PTPRG: variants seen among roughly 807,000 people sequenced by gnomAD.
The protein encoded by PTPRG is protein tyrosine phosphatase receptor type G.
In PTPRG, 102 loss-of-function variants were observed where a neutral mutation model predicts 165.3. The ratio of observed to expected loss-of-function variants is 0.62; its 90% CI spans 0.53 to 0.73. The LOEUF (loss-of-function observed/expected upper bound fraction) is 0.73, where lower values mean the gene tolerates loss of function less well. Among genes scored for constraint, PTPRG ranks in the 30% least tolerant of loss-of-function variants. The probability of loss-of-function intolerance (pLI) is 0.00; values close to 1 mark genes in which losing one functional copy is unlikely to be tolerated. For synonymous variants in PTPRG, 675 were observed against 669.5 expected (o/e 1.01, Z -0.13); for missense variants, 1,866 against 1,861.4 (o/e 1.00, Z -0.05).
chr3:61,835,726 C>T (rs2036437390), intron 2 of PTPRG, among the ~76,000 whole-genome samples: 1 of 151,888 alleles, frequency 6.6e-6, no homozygotes, highest in Non-Finnish European at 1.5e-5. Flanking sequence ...ATCAGGATCA[C>T]TTTGGGCATA....
At chr3:61,599,908 C>T (rs1454112219) in intron 1 of PTPRG, among the ~76,000 whole-genome samples, 1 of 152,058 alleles carries the variant, frequency 6.6e-6, no homozygotes, top group Non-Finnish European at 1.5e-5. Flanking sequence ...CCTGTAATCT[C>T]AGCACTTTGG....
chr3:62,034,717 T>A (rs1242490048), intron 4 of PTPRG, among the ~76,000 whole-genome samples: 1 of 152,172 alleles, frequency 6.6e-6, no homozygotes, highest in African/African-American at 2.4e-5. Context: ...CAAAAGAAAT[T>A]TTTTAAATGT....
chr3:61,670,105 G>A (rs945106985), intron 1 of PTPRG, among the ~76,000 whole-genome samples: 1 of 152,190 alleles, frequency 6.6e-6, no homozygotes, highest in African/African-American at 2.4e-5. Context: ...AGCCCTGTGG[G>A]AAGATGTGAA....
At chr3:62,173,125 T>G (rs1705280452) in intron 8 of PTPRG, among the ~76,000 whole-genome samples, 1 of 152,234 alleles carries the variant, frequency 6.6e-6, no homozygotes. Context: ...CATCCTCCAG[T>G]ATACTTTAAA....
At chr3:61,956,288 T>C (rs1258989569) in intron 2 of PTPRG, among the ~76,000 whole-genome samples, 38 of 107,630 alleles carry the variant, frequency 3.5e-4, no homozygotes, top group Admixed American at 3.3e-3. Context: ...TCTCTCTCTC[T>C]CTCTCTCACA....
chr3:61,567,854 T>C (rs1699955306), intron 1 of PTPRG, among the ~76,000 whole-genome samples: 1 of 150,598 alleles, frequency 6.6e-6, no homozygotes, highest in South Asian at 2.1e-4. Context: ...CTTGGTGGTA[T>C]GCGCCTGTAG....
intron 1 of PTPRG, chr3:61,659,540 C>G: frequency 1.2e-6 from 1 of 817,656 alleles, no homozygotes. Flanking sequence ...CCCAAAAAAT[C>G]TTAGGAAGAT....
intron 15 of PTPRG, among the ~76,000 whole-genome samples, chr3:62,247,153 A>C (rs1701305006): frequency 6.6e-6 from 1 of 152,186 alleles, no homozygotes; most frequent in Admixed American, 6.5e-5. Flanking sequence ...CTATAGAGAC[A>C]GGTACAGTTG....
rs1448452266 is a variant in PTPRG, at chr3:62,293,606, T to C, written c.*299T>C. ...ATGTGACATTCCATGACGACATACA[T>C]GCTACTTTTTTTTAGTTCAATACAG... On this transcript the variant is annotated 3_prime_UTR_variant, in exon 30 of 30. Transcript: ENST00000474889. 4.5e-6 allele frequency: 1 copy of C among 220,260 alleles called. No homozygotes were observed. Among genetic ancestry groups the C allele is most frequent in the Admixed American group, 5.6e-5 (1 of 17,702 alleles). 13.6% of individuals were successfully genotyped at this position (220,260 alleles called of 1,614,324 possible).
intron 2 of PTPRG, among the ~76,000 whole-genome samples, chr3:61,989,275 C>G (rs40493): frequency 0.66 from 100,120 of 152,002 alleles, 33,167 homozygotes; most frequent in East Asian, 0.81. Flanking sequence ...CTAACTCGAT[C>G]AAGGTGCTTT....
intron 2 of PTPRG, among the ~76,000 whole-genome samples, chr3:61,987,655 A>C (rs1211391839): frequency 6.6e-6 from 1 of 151,428 alleles, no homozygotes; most frequent in Non-Finnish European, 1.5e-5. Context: ...TTATGATATT[A>C]AAACATTTAG....
intron 2 of PTPRG, among the ~76,000 whole-genome samples, chr3:61,798,638 T>TTTA (rs1477023810): frequency 1.3e-4 from 19 of 151,150 alleles, no homozygotes; most frequent in Non-Finnish European, 7.4e-5. Context: ...TTTTTTTTTT[T>TTTA]AAACCCTTTG....
chr3:61,923,126 G>C (rs1327110765), intron 2 of PTPRG, among the ~76,000 whole-genome samples: 1 of 151,150 alleles, frequency 6.6e-6, no homozygotes, highest in African/African-American at 2.4e-5. Flanking sequence ...AGTAGGTACT[G>C]ATTAAAATGT....
At chr3:61,862,431 G>C (rs539267530) in intron 2 of PTPRG, among the ~76,000 whole-genome samples, 58 of 149,160 alleles carry the variant, frequency 3.9e-4, no homozygotes, top group African/African-American at 1.4e-3. Context: ...GCCCAGGCTG[G>C]AGTGCAATGG....
At chr3:61,870,008 C>A (rs185408972) in intron 2 of PTPRG, among the ~76,000 whole-genome samples, 1 of 152,226 alleles carries the variant, frequency 6.6e-6, no homozygotes, top group Non-Finnish European at 1.5e-5. Flanking sequence ...TCCCCTCCCC[C>A]TTCGACTTGT....
intron 2 of PTPRG, among the ~76,000 whole-genome samples, chr3:61,910,193 G>A (rs546606033): frequency 2.0e-5 from 3 of 152,034 alleles, no homozygotes; most frequent in South Asian, 2.1e-4. Context: ...GTCCTATTTC[G>A]TGTATTGATC....
rs1388100597 is a variant in PTPRG at position 61,890,412 on chromosome 3, G to GTTTTTTT, written c.191-99209_191-99203dup. Among the ~76,000 whole-genome samples the GTTTTTTT allele has an allele frequency of 3.9e-3, 367 of 95,288 alleles. 23 individuals are homozygous for GTTTTTTT. Among genetic ancestry groups the GTTTTTTT allele is most frequent in the African/African-American group, 0.012 (270 of 21,810 alleles). The allele number at this position is 95,288 out of a possible 152,430, so 62.5% of individuals were successfully genotyped here. A position where few individuals can be genotyped will look rare whatever the true frequency, so the allele number is the denominator to read the frequency against. ...GTTTTGGGCGGGTTTCTTGTTCTTTGTTTTTTTTTTGTTTTTTTTTTTTTT... is the reference window on the plus strand; with the variant it reads ...GTTTTGGGCGGGTTTCTTGTTCTTTGTTTTTTTTTTTTTTTTTGTTTTTTTTTTTTTT... On this transcript the variant is annotated intron_variant, in intron 2 of 29. Coordinates refer to ENST00000474889, the MANE Select transcript of PTPRG (RefSeq NM_002841.4).
intron 2 of PTPRG, among the ~76,000 whole-genome samples, chr3:61,931,572 A>G (rs376800094): frequency 1.6e-4 from 24 of 152,266 alleles, no homozygotes; most frequent in African/African-American, 5.8e-4. Flanking sequence ...CTGCTCTTAC[A>G]CAAGTCAAGA....
intron 12 of PTPRG, among the ~76,000 whole-genome samples, chr3:62,212,262 G>A (rs1700376470): frequency 6.6e-6 from 1 of 152,082 alleles, no homozygotes; most frequent in African/African-American, 2.4e-5. Context: ...GGGGAGTACT[G>A]GGTATCAGTT....
Sources: gnomAD v4.1 joint callset for allele counts (sites outside exome capture counted in the v4.1 genomes callset) on GRCh38, gnomAD v4.1.1 for gene constraint, MANE v1.5 for transcripts, NCBI Gene and HGNC (gene_info 2026-07-23, HGNC 2026-07-21) for gene names.